Variants in ODAD2 observed in about 807,000 individuals in gnomAD.
ODAD2 encodes the protein outer dynein arm docking complex subunit 2.
ODAD2 carries 89 observed loss-of-function variants against 106.8 expected under a neutral mutation model. The ratio of observed to expected loss-of-function variants is 0.83; its 90% confidence interval spans 0.70 to 0.99. The LOEUF (loss-of-function observed/expected upper bound fraction) is 0.99, where lower values mean the gene tolerates loss of function less well. Ranked by LOEUF, ODAD2 falls within the 50% of genes least tolerant of loss-of-function variation. The probability of loss-of-function intolerance (pLI) is 0.00; values close to 1 mark genes in which losing one functional copy is unlikely to be tolerated. For synonymous variants in ODAD2, 404 were observed against 436.2 expected (o/e 0.93, Z 0.92); for missense variants, 1,168 against 1,238.5 (o/e 0.94, Z 0.85).
chr10:27,834,937 A>G (rs1430274268), intron 19 of ODAD2, among the ~76,000 whole-genome samples: 1 of 151,648 alleles, frequency 6.6e-6, no homozygotes, highest in East Asian at 1.9e-4. Context: ...GAGCTATCCT[A>G]TATTATGCAG....
At chr10:27,847,899 C>T (rs1266730027) in intron 19 of ODAD2, among the ~76,000 whole-genome samples, 2 of 152,142 alleles carry the variant, frequency 1.3e-5, no homozygotes, top group Non-Finnish European at 2.9e-5. Context: ...GAACTACAAA[C>T]CACTGCTCAA....
intron 17 of ODAD2, among the ~76,000 whole-genome samples, chr10:27,896,336 A>G (rs1393250652): frequency 2.6e-5 from 4 of 152,212 alleles, no homozygotes. Context: ...TGATTTTTTA[A>G]ATTCATATCA....
Position 27,890,693 on chromosome 10 carries a change from T to C in ODAD2, c.2610+16970A>G, listed in dbSNP as rs1049727224. ...GCCAGTGATTCTTTCGGCTGTGCTC[T>C]GAAGACAGGCTTTTTAAGGCCCTCA... On this transcript the variant is annotated intron_variant, in intron 17 of 19. Coordinates refer to ENST00000305242, the MANE Select transcript of ODAD2 (RefSeq NM_018076.5). 3.9e-5 allele frequency among the ~76,000 whole-genome samples: 6 copies of C among 152,068 alleles called. 1 individual carries two copies. Among genetic ancestry groups the C allele is most frequent in the Non-Finnish European group, 1.5e-5 (1 of 68,016 alleles).
chr10:27,957,345 G>A (rs12778429), intron 10 of ODAD2: 57,260 of 152,024 alleles, frequency 0.38, 12,134 homozygotes, highest in Middle Eastern at 0.59. Context: ...AAGGAACCTC[G>A]CCCTCTCCCC....
intron 17 of ODAD2, among the ~76,000 whole-genome samples, chr10:27,900,003 C>A (rs1843089177): frequency 3.9e-5 from 6 of 152,154 alleles, no homozygotes; most frequent in Non-Finnish European, 8.8e-5. Flanking sequence ...TCTCTGACCC[C>A]AGTGCCTCCT....
chr10:27,963,861 T>C (rs1588622251), intron 9 of ODAD2, among the ~76,000 whole-genome samples: 2 of 152,142 alleles, frequency 1.3e-5, no homozygotes. Context: ...GTGGGTTAAA[T>C]GTCTCATTTT....
At chr10:27,829,396 C>G (rs572980475) in intron 19 of ODAD2, among the ~76,000 whole-genome samples, 1 of 152,162 alleles carries the variant, frequency 6.6e-6, no homozygotes, top group Non-Finnish European at 1.5e-5. Flanking sequence ...TTGACTTAAC[C>G]TCATTCTCAA....
chr10:27,980,127 T>C (rs1455473752), intron 7 of ODAD2, among the ~76,000 whole-genome samples: 1 of 152,032 alleles, frequency 6.6e-6, no homozygotes, highest in Non-Finnish European at 1.5e-5. Flanking sequence ...AATATCCACA[T>C]GCAAAAGAAT....
At chr10:27,910,975 G>T (rs181748713) in intron 16 of ODAD2, among the ~76,000 whole-genome samples, 2 of 152,216 alleles carry the variant, frequency 1.3e-5, no homozygotes. Context: ...TCTCTTTAAA[G>T]ACACCTTATT....
intron 7 of ODAD2, among the ~76,000 whole-genome samples, chr10:27,974,144 GA>G (rs766883310): frequency 2.0e-5 from 3 of 152,046 alleles, no homozygotes; most frequent in Non-Finnish European, 4.4e-5. Flanking sequence ...TTTTTCTCTT[GA>G]AAATCCATTC....
chr10:27,984,048 C>T, intron 5 of ODAD2, 69 bp from the exon 6 acceptor site: 1 of 1,559,682 alleles, frequency 6.4e-7, no homozygotes, highest in Non-Finnish European at 8.7e-7. Context: ...TGTTGGCTTC[C>T]ACAAAATAAA....
chr10:27,849,456 C>T (rs1040676464), intron 19 of ODAD2, among the ~76,000 whole-genome samples: 3 of 151,814 alleles, frequency 2.0e-5, no homozygotes, highest in East Asian at 3.9e-4. Flanking sequence ...ATGTAAATGA[C>T]GAGTTAATGG....
intron 17 of ODAD2, among the ~76,000 whole-genome samples, chr10:27,893,158 C>CA (rs966426499): frequency 1.9e-4 from 27 of 141,936 alleles, no homozygotes; most frequent in African/African-American, 4.7e-4. Flanking sequence ...GACTCCTTCT[C>CA]AAAAAAAAAG....
At chr10:27,942,943 C>T (rs1208005142) in intron 12 of ODAD2, among the ~76,000 whole-genome samples, 1 of 152,202 alleles carries the variant, frequency 6.6e-6, no homozygotes, top group Admixed American at 6.5e-5. Flanking sequence ...TTTCTGAACA[C>T]ATTTTTCAGT....
chr10:27,859,433 A>T (rs1281211527), intron 19 of ODAD2, among the ~76,000 whole-genome samples: 1 of 152,174 alleles, frequency 6.6e-6, no homozygotes, highest in Non-Finnish European at 1.5e-5. Flanking sequence ...AATTAATTAA[A>T]ATAATTGCCT....
At chr10:27,922,003 C>A (rs1307346752) in intron 16 of ODAD2, among the ~76,000 whole-genome samples, 3 of 151,106 alleles carry the variant, frequency 2.0e-5, no homozygotes, top group Non-Finnish European at 4.4e-5. Context: ...CCTGTCTCTA[C>A]AAAAACTACA....
At chr10:27,903,209 T>C (rs1400882940) in intron 17 of ODAD2, among the ~76,000 whole-genome samples, 3 of 152,172 alleles carry the variant, frequency 2.0e-5, no homozygotes, top group Admixed American at 2.0e-4. Flanking sequence ...CACATGATTA[T>C]CTCAATAGAT....
At chr10:27,877,320 T>C (rs960723458) in intron 17 of ODAD2, among the ~76,000 whole-genome samples, 5 of 152,112 alleles carry the variant, frequency 3.3e-5, no homozygotes, top group African/African-American at 9.7e-5. Flanking sequence ...ACAAAAGTGA[T>C]CACATCTGCC....
chr10:27,898,403 A>G (rs1474180186), intron 17 of ODAD2, among the ~76,000 whole-genome samples: 1 of 152,136 alleles, frequency 6.6e-6, no homozygotes, highest in Non-Finnish European at 1.5e-5. Context: ...GAGAATATTA[A>G]TTTTAAAATT....
Sources: gnomAD v4.1 joint callset for allele counts (sites outside exome capture counted in the v4.1 genomes callset) on GRCh38, gnomAD v4.1.1 for gene constraint, MANE v1.5 for transcripts, NCBI Gene and HGNC (gene_info 2026-07-23, HGNC 2026-07-21) for gene names.